LHFPL3: variants seen among roughly 807,000 people sequenced by gnomAD.
LHFPL3 encodes LHFPL tetraspan subfamily member 3 protein.
Under a neutral mutation model 19.3 loss-of-function variants are expected in LHFPL3, and 5 were observed. The observed-to-expected ratio is 0.26, with a 90% CI of 0.14 to 0.54. The LOEUF (loss-of-function observed/expected upper bound fraction) is 0.54. LHFPL3 is among the 20% of genes least tolerant of loss of function. The pLI, the probability that LHFPL3 is intolerant of heterozygous loss-of-function variation, is 0.94. For synonymous variants in LHFPL3, 133 were observed against 126.2 expected (o/e 1.05, Z -0.36); for missense variants, 249 against 307.4 (o/e 0.81, Z 1.42).
At chr7:104,480,090 GAGA>G (rs1163408800) in intron 1 of LHFPL3, among the ~76,000 whole-genome samples, 2 of 152,206 alleles carry the variant, frequency 1.3e-5, no homozygotes, top group Non-Finnish European at 2.9e-5. Context: ...ATACACGTAT[GAGA>G]AGAAGAAAGC....
chr7:104,471,054 A>G (rs980538479), intron 1 of LHFPL3, among the ~76,000 whole-genome samples: 2 of 152,196 alleles, frequency 1.3e-5, no homozygotes, highest in African/African-American at 2.4e-5. Flanking sequence ...TCCTTGGCCT[A>G]TAAGAAGGGA....
chr7:104,436,516 A>G (rs896989147), intron 1 of LHFPL3, among the ~76,000 whole-genome samples: 1 of 152,216 alleles, frequency 6.6e-6, no homozygotes, highest in Admixed American at 6.5e-5. Context: ...TACCAGTGAC[A>G]GCAGTATGAT....
intron 1 of LHFPL3, among the ~76,000 whole-genome samples, chr7:104,524,859 T>TA (rs1366626332): frequency 6.6e-6 from 1 of 152,192 alleles, no homozygotes; most frequent in Non-Finnish European, 1.5e-5. Context: ...AAGAATTGGC[T>TA]AAAAAACAGA....
chr7:104,655,147 C>G (rs1004554109), intron 1 of LHFPL3, among the ~76,000 whole-genome samples: 2 of 152,166 alleles, frequency 1.3e-5, no homozygotes, highest in Non-Finnish European at 2.9e-5. Flanking sequence ...AAGTACAGTT[C>G]CTATGTTTTC....
chr7:104,514,772 A>T (rs1372339945), intron 1 of LHFPL3, among the ~76,000 whole-genome samples: 2 of 152,172 alleles, frequency 1.3e-5, no homozygotes, highest in African/African-American at 4.8e-5. Flanking sequence ...TTGAGGTGAG[A>T]TTCATATATC....
intron 1 of LHFPL3, among the ~76,000 whole-genome samples, chr7:104,557,268 C>A (rs1407104845): frequency 6.6e-6 from 1 of 152,004 alleles, no homozygotes; most frequent in Non-Finnish European, 1.5e-5. Context: ...AAAGACATAC[C>A]CAAAACTGAG....
intron 1 of LHFPL3, among the ~76,000 whole-genome samples, chr7:104,341,083 A>G (rs1298824073): frequency 1.3e-5 from 2 of 152,210 alleles, no homozygotes; most frequent in Non-Finnish European, 1.5e-5. Flanking sequence ...TCCATCTCTA[A>G]TAACATCAGG....
chr7:104,551,128 C>G (rs1198909760), intron 1 of LHFPL3, among the ~76,000 whole-genome samples: 2 of 152,118 alleles, frequency 1.3e-5, no homozygotes, highest in Non-Finnish European at 2.9e-5. Flanking sequence ...CACACACACA[C>G]ACACACACAC....
chr7:104,567,112 T>G (rs1030366094), intron 1 of LHFPL3, among the ~76,000 whole-genome samples: 1 of 152,196 alleles, frequency 6.6e-6, no homozygotes, highest in African/African-American at 2.4e-5. Flanking sequence ...TCAAACGAAG[T>G]GTTTAGATGG....
intron 1 of LHFPL3, among the ~76,000 whole-genome samples, chr7:104,709,213 T>C (rs1262758406): frequency 2.0e-5 from 3 of 151,710 alleles, no homozygotes; most frequent in African/African-American, 4.8e-5. Context: ...ATTTCATTTT[T>C]ATTTTTTTAT....
intron 1 of LHFPL3, among the ~76,000 whole-genome samples, chr7:104,474,705 A>AAAAG (rs1562908896): frequency 1.3e-5 from 2 of 151,322 alleles, no homozygotes. Context: ...AAAAAAAAAA[A>AAAAG]AAAGAAAGGG....
intron 2 of LHFPL3, among the ~76,000 whole-genome samples, chr7:104,872,369 G>A (rs1562821420): frequency 6.6e-6 from 1 of 151,910 alleles, no homozygotes; most frequent in East Asian, 1.9e-4. Flanking sequence ...CACAGGCGAG[G>A]CACAGTGGCT....
chr7:104,589,191 G>A (rs1790650799), intron 1 of LHFPL3, among the ~76,000 whole-genome samples: 1 of 152,108 alleles, frequency 6.6e-6, no homozygotes, highest in South Asian at 2.1e-4. Context: ...TCTTGTGCCA[G>A]TTTTCAAAGG....
intron 2 of LHFPL3, among the ~76,000 whole-genome samples, chr7:104,773,223 C>T (rs1794587725): frequency 6.6e-6 from 1 of 152,218 alleles, no homozygotes; most frequent in Non-Finnish European, 1.5e-5. Context: ...GGCTGGACTT[C>T]ACCCCCCATC....
At chr7:104,424,630 C>T (rs769442788) in intron 1 of LHFPL3, among the ~76,000 whole-genome samples, 1 of 152,186 alleles carries the variant, frequency 6.6e-6, no homozygotes, top group Non-Finnish European at 1.5e-5. Context: ...AAAGGCTACT[C>T]CAGTGGGTAG....
intron 1 of LHFPL3, among the ~76,000 whole-genome samples, chr7:104,629,321 A>T (rs1791600371): frequency 6.6e-6 from 1 of 152,124 alleles, no homozygotes; most frequent in African/African-American, 2.4e-5. Flanking sequence ...GCATCTATGC[A>T]TACCTTCTGG....
At chr7:104,756,601 G>T (rs1794290299) in intron 2 of LHFPL3, among the ~76,000 whole-genome samples, 1 of 152,152 alleles carries the variant, frequency 6.6e-6, no homozygotes. Context: ...CCAGGTTCAA[G>T]TGATTCTCGT....
chr7:104,908,053 A>G lies in LHFPL3; in HGVS notation c.*1838A>G, dbSNP rs982730773. 6.6e-6 allele frequency among the ~76,000 whole-genome samples: 1 copy of G among 152,218 alleles called. No homozygotes were observed. Among genetic ancestry groups the G allele is most frequent in the African/African-American group, 2.4e-5 (1 of 41,460 alleles). On this transcript the variant is annotated 3_prime_UTR_variant, in exon 3 of 3. Transcript: ENST00000424859. Reference sequence around the variant, plus strand: ...AACACCCTACTTACTAAATTTAATTACACACAACTTTTCAAGAATTCGTAT... The same window carrying G: ...AACACCCTACTTACTAAATTTAATTGCACACAACTTTTCAAGAATTCGTAT...
chr7:104,517,773 G>A (rs931010468), intron 1 of LHFPL3, among the ~76,000 whole-genome samples: 1 of 152,094 alleles, frequency 6.6e-6, no homozygotes, highest in Admixed American at 6.6e-5. Context: ...CTCCCAAAGT[G>A]CTGGGATTAC....
Sources: gnomAD v4.1 joint callset for allele counts (sites outside exome capture counted in the v4.1 genomes callset) on GRCh38, gnomAD v4.1.1 for gene constraint, MANE v1.5 for transcripts, NCBI Gene and HGNC (gene_info 2026-07-23, HGNC 2026-07-21) for gene names.